NEIL2: variants seen among roughly 807,000 people sequenced by gnomAD.
NEIL2 encodes nei like DNA glycosylase 2.
Under a neutral mutation model 22.2 loss-of-function variants are expected in NEIL2, and 23 were observed. The ratio of observed to expected loss-of-function variants is 1.04; its 90% CI spans 0.75 to 1.47. NEIL2 has a LOEUF of 1.47. NEIL2 is among the 40% of genes most tolerant of loss of function. The probability of loss-of-function intolerance (pLI) is 0.00; values close to 1 mark genes in which losing one functional copy is unlikely to be tolerated. For missense variants in NEIL2, 583 were observed against 404.7 expected, an observed-to-expected ratio of 1.44 and a Z score of -3.78; for synonymous variants, 229 against 164.8, an observed-to-expected ratio of 1.39 and a Z score of -2.99.
Position 11,785,946 on chromosome 8 carries a change from C to A in NEIL2, c.689-17C>A. ...GTGTCCTTTGTCCTTCCCTTACCTT[C>A]CCCCGCTTTATTTCAGGGAACATCA... On this transcript the variant is annotated splice_polypyrimidine_tract_variant and intron_variant, in intron 4 of 4. Transcript: ENST00000284503. 1.2e-6 allele frequency: 2 copies of A among 1,611,674 alleles called. No individual in the cohort carries two copies. Among genetic ancestry groups the A allele is most frequent in the Non-Finnish European group, 1.7e-6 (2 of 1,177,816 alleles).
chr8:11,783,014 G>C lies in NEIL2; in HGVS notation c.492-189G>C, dbSNP rs1585779706. ...TATGTGTGCATGATCCAGCCACAGAGTGTGCTCTGACTATACTGTGGTAAC... is the reference window on the plus strand; with the variant it reads ...TATGTGTGCATGATCCAGCCACAGACTGTGCTCTGACTATACTGTGGTAAC... On this transcript the variant is annotated intron_variant, in intron 3 of 4. Coordinates refer to ENST00000284503, the MANE Select transcript of NEIL2 (RefSeq NM_145043.4). 31 of 665,236 alleles carry C rather than the reference G, an allele frequency of 4.7e-5. 1 individual carries two copies. In the South Asian group the frequency reaches 5.2e-4, roughly 11 times the overall value. 41.2% of individuals were successfully genotyped at this position (665,236 alleles called of 1,614,324 possible).
intron 1 of NEIL2, 101 bp from the exon 2 acceptor site, chr8:11,771,345 G>T: frequency 6.8e-7 from 1 of 1,469,698 alleles, no homozygotes; most frequent in Non-Finnish European, 9.5e-7. Flanking sequence ...AAAGTTAGTT[G>T]GCAGCAAAAA....
intron 4 of NEIL2, among the ~76,000 whole-genome samples, chr8:11,784,691 G>C (rs1804739012): frequency 6.6e-6 from 1 of 152,166 alleles, no homozygotes; most frequent in South Asian, 2.1e-4. Context: ...GGTTACTAAA[G>C]ATTGCAATGA....
intron 2 of NEIL2, among the ~76,000 whole-genome samples, chr8:11,777,764 A>G (rs901822388): frequency 1.3e-5 from 2 of 152,256 alleles, no homozygotes; most frequent in African/African-American, 2.4e-5. Context: ...TTGAGACTGC[A>G]TAATTTATAA....
chr8:11,784,175 AG>A (rs1804693227), intron 4 of NEIL2, among the ~76,000 whole-genome samples: 1 of 152,154 alleles, frequency 6.6e-6, no homozygotes, highest in Non-Finnish European at 1.5e-5. Context: ...CGAGGGTCGG[AG>A]GAGGCCAGGT....
At chr8:11,774,383 A>G (rs1178028118) in intron 2 of NEIL2, among the ~76,000 whole-genome samples, 4 of 152,192 alleles carry the variant, frequency 2.6e-5, no homozygotes, top group East Asian at 3.9e-4. Context: ...AAAAACAACA[A>G]CAACAAAAAA....
chr8:11,783,228 G>A lies in NEIL2; in HGVS notation c.517G>A (p.Gly173Ser), dbSNP rs1322118735. ...PRLVLHFGGG[G>S]FLAFYNCQLS... Reference sequence around the variant, plus strand: ...GTTGGTCCTGCACTTTGGTGGTGGTGGCTTCCTGGCATTTTATAATTGTCA... The same window carrying A: ...GTTGGTCCTGCACTTTGGTGGTGGTAGCTTCCTGGCATTTTATAATTGTCA... The change falls in exon 4 of 5, where the codon GGC becomes AGC. Residue 173 changes from glycine to serine, a missense_variant. Physicochemically the swap from Gly to Ser is moderately conservative, Grantham distance 56. Coordinates refer to ENST00000284503, the MANE Select transcript of NEIL2 (RefSeq NM_145043.4). 1 of 1,614,138 alleles carries A rather than the reference G, an allele frequency of 6.2e-7. No homozygotes were observed. Among genetic ancestry groups the A allele is most frequent in the Non-Finnish European group, 8.5e-7 (1 of 1,180,054 alleles).
intron 4 of NEIL2, among the ~76,000 whole-genome samples, chr8:11,783,724 C>T (rs951887433): frequency 6.6e-6 from 1 of 152,238 alleles, no homozygotes; most frequent in Non-Finnish European, 1.5e-5. Flanking sequence ...CTGCACAGTG[C>T]AGCGCCTGCA....
intron 3 of NEIL2, 74 bp from the exon 4 acceptor site, chr8:11,783,129 T>A: frequency 7.6e-7 from 1 of 1,319,182 alleles, no homozygotes. Flanking sequence ...TATGTGTGTA[T>A]GACCCAGCCA....
chr8:11,785,926 C>A, intron 4 of NEIL2, 37 bp from the exon 5 acceptor site: 17 of 1,597,344 alleles, frequency 1.1e-5, no homozygotes, highest in Non-Finnish European at 1.4e-5. Flanking sequence ...GCCATGTGTC[C>A]TTTGTCCTTC....
intron 4 of NEIL2, 144 bp from the exon 5 acceptor site, chr8:11,785,819 A>G (rs950959117): frequency 7.7e-6 from 6 of 777,764 alleles, no homozygotes; most frequent in Admixed American, 5.3e-5. Flanking sequence ...TTTTACAGAC[A>G]GAGAAATGGA....
intron 3 of NEIL2, among the ~76,000 whole-genome samples, chr8:11,780,702 A>G (rs1024374529): frequency 6.6e-6 from 1 of 152,192 alleles, no homozygotes; most frequent in East Asian, 1.9e-4. Flanking sequence ...TAATCTATGA[A>G]TGTTGAGATC....
intron 3 of NEIL2, 46 bp downstream of exon 3, chr8:11,779,996 G>C (rs1234581198): frequency 1.3e-6 from 2 of 1,514,582 alleles, no homozygotes; most frequent in Non-Finnish European, 1.8e-6. Context: ...ATAGTCATAG[G>C]GCCCTGCTTG....
rs201286246 is a variant in NEIL2, at chr8:11,786,084, C to T, written c.810C>T (p.Ala270=). 8 of 1,614,076 alleles carry T rather than the reference C, an allele frequency of 5.0e-6. No homozygotes were observed. Among genetic ancestry groups the T allele is most frequent in the Middle Eastern group, 1.6e-4 (1 of 6,072 alleles). ...ATCACGTGGTGGAGTTCAGTACAGC[C>T]TGGCTGCAGGGCAAGTTCCAAGGCA... is the stretch of plus-strand genomic sequence containing the variant. ...LVDHVVEFST[A]WLQGKFQGRP... is the part of the protein sequence containing the mutation. The change falls in exon 5 of 5, where the codon GCC becomes GCT. Residue 270 remains alanine, a synonymous_variant. Coordinates refer to ENST00000284503, the MANE Select transcript of NEIL2 (RefSeq NM_145043.4).
chr8:11,786,336 A>G lies in NEIL2; in HGVS notation c.*63A>G. 2 of 1,523,592 alleles carry G rather than the reference A, an allele frequency of 1.3e-6. No homozygotes were observed. Among genetic ancestry groups the G allele is most frequent in the Non-Finnish European group, 1.8e-6 (2 of 1,115,428 alleles). 94.4% of individuals were successfully genotyped at this position (1,523,592 alleles called of 1,614,324 possible). Reference sequence around the variant, plus strand: ...GGGAACCTGACGTCTAAGTGTCCAGAAAGGAGGATGTGGGCAGGGACGGGG... The same window carrying G: ...GGGAACCTGACGTCTAAGTGTCCAGGAAGGAGGATGTGGGCAGGGACGGGG... On this transcript the variant is annotated 3_prime_UTR_variant, in exon 5 of 5. Transcript: ENST00000284503.
chr8:11,779,653 C>T lies in NEIL2; in HGVS notation c.194C>T (p.Pro65Leu). ...GATCTAGATGAAGAAATGGGGCCCC[C>T]TGGCAGCAGCCCAACACCAGAGCCT... ...RFDLDEEMGPPGSSPTPEPPQ... is the reference protein window; with the variant it reads ...RFDLDEEMGPLGSSPTPEPPQ... The change falls in exon 3 of 5, where the codon CCT (proline) becomes CTT (leucine). Residue 65 changes from proline (P) to leucine (L), a missense_variant. Transcript: ENST00000284503. The T allele has an allele frequency of 1.2e-6, 2 of 1,613,780 alleles. No homozygotes were observed. The highest frequency in any genetic ancestry group is 1.7e-6 in the Non-Finnish European group (2 of 1,179,958).
At chr8:11,779,492 C>T in intron 2 of NEIL2, 106 bp from the exon 3 acceptor site, 1 of 958,246 alleles carries the variant, frequency 1.0e-6, no homozygotes, top group Non-Finnish European at 1.7e-6. Flanking sequence ...GGGAAGGCCC[C>T]CCAGGAGGGG....
intron 2 of NEIL2, among the ~76,000 whole-genome samples, chr8:11,775,804 TC>T (rs1008648537): frequency 4.6e-5 from 7 of 152,240 alleles, no homozygotes; most frequent in African/African-American, 1.7e-4. Context: ...TTACTCTAGT[TC>T]CCAGCAAGTT....
intron 2 of NEIL2, among the ~76,000 whole-genome samples, chr8:11,772,979 G>T (rs1803601831): frequency 6.6e-6 from 1 of 152,092 alleles, no homozygotes; most frequent in African/African-American, 2.4e-5. Context: ...AACTGGAAGA[G>T]ATCCTGTAGC....
Sources: allele counts gnomAD v4.1 joint callset (sites outside exome capture counted in the v4.1 genomes callset), GRCh38; gene constraint gnomAD v4.1.1; transcripts MANE v1.5; gene names NCBI Gene and HGNC (gene_info 2026-07-23, HGNC 2026-07-21).